The following LRRC3C variants were observed in gnomAD, a reference collection of about 807,000 sequenced individuals.
LRRC3C encodes the protein leucine rich repeat containing 3C.
Under a neutral mutation model 14.8 loss-of-function variants are expected in LRRC3C, and 11 were observed. That is an observed-to-expected ratio of 0.74 (90% CI 0.47 to 1.23). The LOEUF (loss-of-function observed/expected upper bound fraction) is 1.23. Among genes scored for constraint, LRRC3C ranks in the 50% most tolerant of loss-of-function variants. LRRC3C has a pLI of 0.00. For missense variants in LRRC3C, 354 were observed against 361.8 expected, an observed-to-expected ratio of 0.98 and a Z score of 0.18; for synonymous variants, 149 against 161.5, an observed-to-expected ratio of 0.92 and a Z score of 0.59.
At chr17:39,936,753 G>A (rs113624714) in intron 2 of LRRC3C, among the ~76,000 whole-genome samples, 7 of 151,680 alleles carry the variant, frequency 4.6e-5, no homozygotes, top group African/African-American at 1.7e-4. Flanking sequence ...GGAGGTTGAA[G>A]TTACCGTGAG....
At chr17:39,932,652 AT>A (rs1978682310) in intron 1 of LRRC3C, among the ~76,000 whole-genome samples, 1 of 151,058 alleles carries the variant, frequency 6.6e-6, no homozygotes, top group African/African-American at 2.5e-5. Context: ...AGCCCAAGGA[AT>A]TCGAGGCTGC....
chr17:39,942,468 C>T (rs1342465727), intron 3 of LRRC3C, among the ~76,000 whole-genome samples: 2 of 152,170 alleles, frequency 1.3e-5, no homozygotes, highest in African/African-American at 4.8e-5. Context: ...ACCTGAGAGT[C>T]CAGGGCTCTA....
At chr17:39,928,182 C>T (rs1280145326) in intron 1 of LRRC3C, among the ~76,000 whole-genome samples, 2 of 152,248 alleles carry the variant, frequency 1.3e-5, no homozygotes, top group East Asian at 1.9e-4. Context: ...GACCGGGCCA[C>T]ATCCTTGGCC....
intron 1 of LRRC3C, 190 bp downstream of exon 1, chr17:39,928,004 G>A (rs894741465): frequency 9.4e-6 from 4 of 427,508 alleles, no homozygotes; most frequent in Non-Finnish European, 6.2e-6. Flanking sequence ...GGCTGCCTCC[G>A]CCCTGGCCCC....
At chr17:39,928,319 C>T (rs1456999806) in intron 1 of LRRC3C, among the ~76,000 whole-genome samples, 2 of 152,252 alleles carry the variant, frequency 1.3e-5, no homozygotes, top group Non-Finnish European at 2.9e-5. Flanking sequence ...GCAGTTTTCA[C>T]ATCTGCATCG....
At position 39,944,156 on chromosome 17, in the gene LRRC3C, C is replaced by A. The variant is rs756611469; in HGVS notation, c.250C>A (p.Leu84Ile). Residue 84 changes from leucine to isoleucine, a missense_variant, in exon 4 of 4, where the codon CTC becomes ATC. Transcript: ENST00000377924. The stretch of plus-strand genomic sequence containing the variant: ...CGGCATCCCCAATGACACCCGCAAG[C>A]TCTACCTGGATGCCAACCAGCTGGC... The part of the protein sequence containing the change: ...PSGIPNDTRK[L>I]YLDANQLASV... 4 of 1,536,262 alleles carry A rather than the reference C, an allele frequency of 2.6e-6. No homozygotes were observed. The Admixed American group carries it at 5.9e-5, about 23-fold the overall frequency.
intron 3 of LRRC3C, among the ~76,000 whole-genome samples, chr17:39,943,665 C>T (rs1239708309): frequency 6.6e-6 from 1 of 152,156 alleles, no homozygotes; most frequent in Non-Finnish European, 1.5e-5. Flanking sequence ...CCAACAAGGC[C>T]TCACAGATTA....
intron 3 of LRRC3C, among the ~76,000 whole-genome samples, chr17:39,943,246 AG>A (rs1978984320): frequency 6.6e-6 from 1 of 152,188 alleles, no homozygotes; most frequent in African/African-American, 2.4e-5. Context: ...GCCCAGCAGC[AG>A]GGAGCCTACG....
rs1347856610 is a variant in LRRC3C at position 39,944,382 on chromosome 17, C to A, written c.476C>A (p.Ala159Glu). 2 of 1,525,376 alleles carry A rather than the reference C, an allele frequency of 1.3e-6. No individual in the cohort carries two copies. Among genetic ancestry groups the A allele is most frequent in the Non-Finnish European group, 1.8e-6 (2 of 1,141,988 alleles). The allele number at this position is 1,525,376 out of a possible 1,614,324, so 94.5% of individuals were successfully genotyped here. A position where few individuals can be genotyped will look rare whatever the true frequency, so the allele number is the denominator to read the frequency against. ...VGLQIQVNLS[A>E]NPWHCDCALQ... is the part of the protein sequence containing the mutation. ...CTACAGATCCAAGTGAACCTATCCGCAAACCCATGGCACTGTGACTGCGCC... is the reference window on the plus strand; with the variant it reads ...CTACAGATCCAAGTGAACCTATCCGAAAACCCATGGCACTGTGACTGCGCC... The change falls in exon 4 of 4, where the codon GCA becomes GAA. Residue 159 changes from alanine (A) to glutamate (E), a missense_variant. Ala to Glu is a moderately radical substitution (Grantham distance 107). Transcript: ENST00000377924.
intron 2 of LRRC3C, among the ~76,000 whole-genome samples, chr17:39,938,695 C>CA (rs958264425): frequency 6.0e-5 from 9 of 150,060 alleles, no homozygotes; most frequent in Non-Finnish European, 7.4e-5. Context: ...GACCCTCTCT[C>CA]AAAAAAAAAG....
intron 1 of LRRC3C, among the ~76,000 whole-genome samples, chr17:39,934,962 T>A (rs549700181): frequency 6.6e-6 from 1 of 152,302 alleles, no homozygotes; most frequent in East Asian, 1.9e-4. Flanking sequence ...AGTGTAGCAG[T>A]GAGGACCACC....
In LRRC3C at chr17:39,941,454, C is replaced by T. The variant is rs1003533518; in HGVS notation, c.-70C>T. 1.2e-5 allele frequency: 15 copies of T among 1,296,592 alleles called. No individual in the cohort carries two copies. Among genetic ancestry groups the T allele is most frequent in the East Asian group, 2.5e-5 (1 of 39,730 alleles). 80.3% of individuals were successfully genotyped at this position (1,296,592 alleles called of 1,614,324 possible). ...TATTTTGCACTCAGCTCTACAATTC[C>T]GTGTCCAGTCCTGGTCACCCATAGT... On this transcript the variant is annotated 5_prime_UTR_variant, in exon 3 of 4. Transcript: ENST00000377924.
intron 2 of LRRC3C, among the ~76,000 whole-genome samples, chr17:39,936,831 T>C (rs947986295): frequency 1.4e-5 from 2 of 148,114 alleles, no homozygotes. Flanking sequence ...AAAATAAAAA[T>C]AAAAATTTGG....
intron 2 of LRRC3C, among the ~76,000 whole-genome samples, chr17:39,940,571 T>C (rs1978910459): frequency 6.6e-6 from 1 of 151,304 alleles, no homozygotes; most frequent in Non-Finnish European, 1.5e-5. Context: ...ACCACCATGG[T>C]CTGCTAATTT....
In LRRC3C at chr17:39,938,783, C is replaced by T. The variant is rs560247156; in HGVS notation, c.-81-2660C>T. On this transcript the variant is annotated intron_variant, in intron 2 of 3. Transcript: ENST00000377924. ...GGTGGATCACCTGAGGTCAGGCGTTCAAGACCAGCCTGGCCAACATGGCGA... is the reference window on the plus strand; with the variant it reads ...GGTGGATCACCTGAGGTCAGGCGTTTAAGACCAGCCTGGCCAACATGGCGA... 1.0e-3 allele frequency among the ~76,000 whole-genome samples: 153 copies of T among 152,224 alleles called. 1 individual carries two copies. Among genetic ancestry groups the T allele is most frequent in the South Asian group, 7.7e-3 (37 of 4,828 alleles).
At position 39,944,786 on chromosome 17, in the gene LRRC3C, C is replaced by A; in HGVS notation, c.*52C>A. ...CCCCACACTCCTGCCCCTATGCCCT[C>A]TCCTTTGCTCTGACCCCCTCTGCCT... On this transcript the variant is annotated 3_prime_UTR_variant, in exon 4 of 4. Coordinates refer to ENST00000377924, the MANE Select transcript of LRRC3C (RefSeq NM_001195545.2). 6.7e-7 allele frequency: 1 copy of A among 1,494,868 alleles called. No homozygotes were observed. The highest frequency in any genetic ancestry group is 9.0e-7 in the Non-Finnish European group (1 of 1,114,390). The allele number at this position is 1,494,868 out of a possible 1,614,324, so 92.6% of individuals were successfully genotyped here. A position where few individuals can be genotyped will look rare whatever the true frequency, so the allele number is the denominator to read the frequency against.
intron 1 of LRRC3C, among the ~76,000 whole-genome samples, chr17:39,933,607 C>T (rs1232805985): frequency 6.6e-6 from 1 of 152,154 alleles, no homozygotes; most frequent in Non-Finnish European, 1.5e-5. Context: ...GTGGCGGGCG[C>T]CTGTAATCCC....
intron 2 of LRRC3C, among the ~76,000 whole-genome samples, chr17:39,936,652 A>C (rs936071401): frequency 2.9e-4 from 29 of 100,614 alleles, no homozygotes; most frequent in African/African-American, 1.1e-3. Flanking sequence ...AAAAATACAA[A>C]AAAAAAAAAA....
At chr17:39,934,900 G>A (rs1978754979) in intron 1 of LRRC3C, among the ~76,000 whole-genome samples, 1 of 152,182 alleles carries the variant, frequency 6.6e-6, no homozygotes, top group Non-Finnish European at 1.5e-5. Flanking sequence ...ACCATTTAAG[G>A]TAACTTCCTG....
Sources: allele counts gnomAD v4.1 joint callset (sites outside exome capture counted in the v4.1 genomes callset), GRCh38; gene constraint gnomAD v4.1.1; transcripts MANE v1.5; gene names NCBI Gene and HGNC (gene_info 2026-07-23, HGNC 2026-07-21).